NCALD: variants seen among roughly 807,000 people sequenced by gnomAD.
NCALD encodes neurocalcin-delta.
A neutral mutation model predicts 18.6 loss-of-function variants in NCALD; 10 were observed. The ratio of observed to expected loss-of-function variants is 0.54; its 90% confidence interval spans 0.33 to 0.91. The LOEUF is 0.91. Among genes scored for constraint, NCALD ranks in the 40% least tolerant of loss-of-function variants. The pLI is 0.03. For missense variants in NCALD, 184 were observed against 247.6 expected (o/e 0.74, Z 1.72); for synonymous variants, 88 against 87.4 (o/e 1.01, Z -0.04).
rs561624149 is a variant in NCALD, at chr8:101,891,698, T to C, written c.-106-4471A>G. ...AAGCAGGGCGAGGCATTGCCTCACT[T>C]GGGAAGCGCAAGGGGTCAGGGAGTT... On this transcript the variant is annotated intron_variant, in intron 3 of 6. Coordinates refer to the NCALD transcript ENST00000311028. Among the ~76,000 whole-genome samples the C allele has an allele frequency of 6.6e-5, 10 of 152,324 alleles. No homozygotes were observed. The East Asian group carries it at 1.7e-3, about 26-fold the overall frequency.
intron 1 of NCALD, among the ~76,000 whole-genome samples, chr8:101,725,922 G>A (rs536727899): frequency 6.6e-6 from 1 of 152,324 alleles, no homozygotes; most frequent in African/African-American, 2.4e-5. Flanking sequence ...CCTGCAGTGG[G>A]TGAACGGGTG....
intron 1 of NCALD, among the ~76,000 whole-genome samples, chr8:101,724,574 C>T (rs1319732991): frequency 2.0e-5 from 3 of 152,176 alleles, no homozygotes; most frequent in African/African-American, 7.2e-5. Flanking sequence ...TTAAATGAGA[C>T]AGTCAAACAT....
At chr8:101,821,956 A>G (rs1237390678) in intron 4 of NCALD, among the ~76,000 whole-genome samples, 1 of 151,826 alleles carries the variant, frequency 6.6e-6, no homozygotes, top group Non-Finnish European at 1.5e-5. Flanking sequence ...GCTGGATGGA[A>G]AGTGTTAGAC....
At chr8:101,719,906 C>T (rs532374720) in intron 1 of NCALD, among the ~76,000 whole-genome samples, 1 of 152,114 alleles carries the variant, frequency 6.6e-6, no homozygotes, top group African/African-American at 2.4e-5. Flanking sequence ...ATCCTGAAAG[C>T]AAAAGGTTCA....
rs766362680 is a variant in NCALD at position 101,719,509 on chromosome 8, C to G, written c.121G>C (p.Gly41Arg). The change falls in exon 2 of 4, where the codon GGA becomes CGA. Residue 41 changes from glycine (G) to arginine (R), a missense_variant. Transcript: ENST00000220931. ...YKGFLRDCPS[G>R]HLSMEEFKKI... is the part of the protein sequence containing the mutation. ...TTAAACTCTTCCATTGACAAATGTCCACTGGGGCAGTCTCTCAAGAAGCCT... is the reference window on the plus strand; with the variant it reads ...TTAAACTCTTCCATTGACAAATGTCGACTGGGGCAGTCTCTCAAGAAGCCT... 1 of 1,614,188 alleles carries G rather than the reference C, an allele frequency of 6.2e-7. No individual in the cohort carries two copies. Among genetic ancestry groups the G allele is most frequent in the Non-Finnish European group, 8.5e-7 (1 of 1,180,026 alleles).
intron 1 of NCALD, among the ~76,000 whole-genome samples, chr8:102,034,472 G>T (rs1337588839): frequency 6.6e-6 from 1 of 152,154 alleles, no homozygotes; most frequent in East Asian, 1.9e-4. Flanking sequence ...AGACAAAGGG[G>T]TGGACTGTGC....
At chr8:102,040,366 T>C (rs755854254) in intron 1 of NCALD, among the ~76,000 whole-genome samples, 5 of 151,264 alleles carry the variant, frequency 3.3e-5, no homozygotes, top group Non-Finnish European at 7.4e-5. Context: ...CCCAGCTACT[T>C]GGGAGGCTGA....
intron 1 of NCALD, among the ~76,000 whole-genome samples, chr8:102,080,193 G>T (rs2132328609): frequency 6.6e-6 from 1 of 152,308 alleles, no homozygotes; most frequent in East Asian, 1.9e-4. Flanking sequence ...TTGGCAGCCA[G>T]CGGTGTTTGC....
rs550153682 is a variant in NCALD at position 102,120,830 on chromosome 8, ATGTTAAC to A, written c.-210+3400_-210+3406del. Among the ~76,000 whole-genome samples, 505 of 152,324 alleles carry A rather than the reference ATGTTAAC, an allele frequency of 3.3e-3. 2 individuals are homozygous for A. Among genetic ancestry groups the A allele is most frequent in the African/African-American group, 0.011 (475 of 41,576 alleles). On this transcript the variant is annotated intron_variant, in intron 1 of 6. Coordinates refer to the NCALD transcript ENST00000311028. ...ACACACTCAATAAATGCCAATATCA[ATGTTAAC>A]TGCAGTGATTGTTCATTGTTGTGGT... is the stretch of plus-strand genomic sequence containing the variant.
At chr8:102,066,549 T>C (rs966277881) in intron 1 of NCALD, among the ~76,000 whole-genome samples, 11 of 152,182 alleles carry the variant, frequency 7.2e-5, no homozygotes, top group Admixed American at 2.6e-4. Flanking sequence ...AAATAGCTAT[T>C]TAGTGACCAT....
At chr8:101,735,080 T>C (rs574694444) in intron 1 of NCALD, among the ~76,000 whole-genome samples, 1 of 151,818 alleles carries the variant, frequency 6.6e-6, no homozygotes, top group Admixed American at 6.5e-5. Context: ...GGAGAAAAGG[T>C]AGATGGGAGG....
intron 1 of NCALD, among the ~76,000 whole-genome samples, chr8:102,051,806 C>T (rs573473809): frequency 6.6e-6 from 1 of 152,274 alleles, no homozygotes; most frequent in African/African-American, 2.4e-5. Flanking sequence ...ATCCAAACTA[C>T]AATGTACCAA....
chr8:101,731,601 C>T (rs967459751), intron 1 of NCALD, among the ~76,000 whole-genome samples: 2 of 152,158 alleles, frequency 1.3e-5, no homozygotes, highest in Admixed American at 6.5e-5. Flanking sequence ...TAGGAGGGCA[C>T]ACCCACCCTG....
chr8:101,887,963 G>A (rs754755631), intron 3 of NCALD, among the ~76,000 whole-genome samples: 6 of 152,108 alleles, frequency 3.9e-5, no homozygotes, highest in South Asian at 2.1e-4. Flanking sequence ...CCCTCCTGGC[G>A]CAATAAAAAT....
rs5893589 is a variant in NCALD, at chr8:101,903,197, ATT to A, written c.-107+12610_-107+12611del. 8.6e-3 allele frequency among the ~76,000 whole-genome samples: 1,207 copies of A among 140,990 alleles called. 10 individuals carry two copies. Among genetic ancestry groups the A allele is most frequent in the African/African-American group, 0.028 (1,046 of 37,620 alleles). The allele number at this position is 140,990 out of a possible 152,430, so 92.5% of individuals were successfully genotyped here. Reference sequence around the variant, plus strand: ...AGACAGCAGTGGTTTACTTTTAGGAATTTTTTTTTTTTTTTTTTGAGATGGAG... The same window carrying A: ...AGACAGCAGTGGTTTACTTTTAGGAATTTTTTTTTTTTTTTTGAGATGGAG... On this transcript the variant is annotated intron_variant, in intron 3 of 6. Coordinates refer to the NCALD transcript ENST00000311028.
At chr8:102,011,497 G>A (rs925309490) in intron 2 of NCALD, among the ~76,000 whole-genome samples, 6 of 152,124 alleles carry the variant, frequency 3.9e-5, no homozygotes, top group Admixed American at 1.3e-4. Context: ...TCTTTGTTAA[G>A]ACCAAGGGTA....
chr8:101,711,790 G>T (rs986591677), intron 2 of NCALD, among the ~76,000 whole-genome samples: 1 of 152,028 alleles, frequency 6.6e-6, no homozygotes, highest in East Asian at 1.9e-4. Context: ...CAAACTTAAC[G>T]TTTGATTGGT....
At chr8:102,059,948 C>T (rs1001896660) in intron 1 of NCALD, among the ~76,000 whole-genome samples, 2 of 152,010 alleles carry the variant, frequency 1.3e-5, no homozygotes, top group East Asian at 3.9e-4. Flanking sequence ...GGAGTACGGC[C>T]GTGAAGTTTT....
chr8:101,919,766 G>A (rs73290532), intron 2 of NCALD, among the ~76,000 whole-genome samples: 1,534 of 151,636 alleles, frequency 0.01, 24 homozygotes, highest in African/African-American at 0.034. Context: ...CAACAAACAT[G>A]CAAAAATGCT....
Sources: gnomAD v4.1 joint callset for allele counts (sites outside exome capture counted in the v4.1 genomes callset) on GRCh38, gnomAD v4.1.1 for gene constraint, MANE v1.5 for transcripts, NCBI Gene and HGNC (gene_info 2026-07-23, HGNC 2026-07-21) for gene names.